The following GRIP1 variants were observed in gnomAD, a reference collection of about 807,000 sequenced individuals.
GRIP1 encodes the protein glutamate receptor interacting protein 1.
In GRIP1, 45 loss-of-function variants were observed where a neutral mutation model predicts 129.9. The observed-to-expected ratio is 0.35, with a 90% CI of 0.27 to 0.44. GRIP1 has a LOEUF of 0.44. GRIP1 is among the 20% of genes least tolerant of loss of function. GRIP1 has a pLI of 1.00. For missense variants in GRIP1, 1,196 were observed against 1,396.8 expected (o/e 0.86, Z 2.29); for synonymous variants, 530 against 520.8 (o/e 1.02, Z -0.24).
At chr12:67,025,951 TTTC>T (rs1048475633) in intron 1 of GRIP1, among the ~76,000 whole-genome samples, 35 of 152,310 alleles carry the variant, frequency 2.3e-4, no homozygotes, top group East Asian at 7.7e-4. Context: ...TCGGGCTTTT[TTTC>T]TTCTTCTTCT....
At chr12:66,424,610 T>C (rs1032496159) in intron 14 of GRIP1, among the ~76,000 whole-genome samples, 1 of 152,224 alleles carries the variant, frequency 6.6e-6, no homozygotes, top group Non-Finnish European at 1.5e-5. Context: ...TTGGTATTTA[T>C]TGATCAACAT....
At chr12:66,384,421 T>G (rs774052915) in intron 19 of GRIP1, among the ~76,000 whole-genome samples, 3 of 152,206 alleles carry the variant, frequency 2.0e-5, no homozygotes, top group Non-Finnish European at 4.4e-5. Flanking sequence ...CAAAGCTTGC[T>G]TAGAGAATTG....
chr12:66,613,071 T>C (rs2139896023), intron 1 of GRIP1, among the ~76,000 whole-genome samples: 1 of 152,280 alleles, frequency 6.6e-6, no homozygotes. Context: ...ATCCCCTAAA[T>C]ACACAAGAAA....
At chr12:66,495,769 A>G (rs2060222452) in intron 7 of GRIP1, among the ~76,000 whole-genome samples, 2 of 152,222 alleles carry the variant, frequency 1.3e-5, no homozygotes, top group African/African-American at 4.8e-5. Context: ...TGTACCACTC[A>G]GCACGAAATC....
intron 7 of GRIP1, among the ~76,000 whole-genome samples, chr12:66,470,574 G>C (rs776401947): frequency 2.6e-5 from 4 of 152,110 alleles, no homozygotes; most frequent in Admixed American, 2.6e-4. Flanking sequence ...ACGATGAAGA[G>C]GACATTGTTT....
At chr12:66,657,535 T>A (rs2033237713) in intron 1 of GRIP1, among the ~76,000 whole-genome samples, 1 of 152,208 alleles carries the variant, frequency 6.6e-6, no homozygotes, top group African/African-American at 2.4e-5. Flanking sequence ...ATCTTTCAGG[T>A]CTGTTACATT....
chr12:66,947,608 G>A (rs926290847), intron 1 of GRIP1, among the ~76,000 whole-genome samples: 5 of 152,234 alleles, frequency 3.3e-5, no homozygotes, highest in African/African-American at 1.2e-4. Context: ...CTTCTGAGCA[G>A]GTGGCAGATG....
At chr12:66,401,887 A>G (rs990824057) in intron 16 of GRIP1, among the ~76,000 whole-genome samples, 2 of 152,130 alleles carry the variant, frequency 1.3e-5, no homozygotes, top group Non-Finnish European at 2.9e-5. Context: ...GCTTTCATCA[A>G]GTGATTAAAA....
At chr12:66,412,228 G>C (rs542068187) in intron 15 of GRIP1, among the ~76,000 whole-genome samples, 7 of 152,278 alleles carry the variant, frequency 4.6e-5, no homozygotes, top group African/African-American at 1.7e-4. Flanking sequence ...AGCATAGCCA[G>C]AAAGAAAAGC....
chr12:66,976,568 T>TATATC (rs746738125), intron 1 of GRIP1, among the ~76,000 whole-genome samples: 13 of 152,304 alleles, frequency 8.5e-5, no homozygotes, highest in African/African-American at 2.4e-4. Context: ...ATGTGACATG[T>TATATC]ATATCATATC....
At chr12:66,545,826 TTAA>T (rs1215058835) in intron 2 of GRIP1, among the ~76,000 whole-genome samples, 3 of 152,180 alleles carry the variant, frequency 2.0e-5, no homozygotes, top group Non-Finnish European at 4.4e-5. Context: ...TACCTTAAAA[TTAA>T]TAATGAAATA....
At chr12:66,513,569 G>A (rs967997577) in intron 7 of GRIP1, among the ~76,000 whole-genome samples, 2 of 151,854 alleles carry the variant, frequency 1.3e-5, no homozygotes, top group African/African-American at 2.4e-5. Context: ...ATTCCTTTTG[G>A]AACCTTATAA....
chr12:66,596,822 GA>G, intron 2 of GRIP1, 24 bp downstream of exon 2: 1 of 1,484,066 alleles, frequency 6.7e-7, no homozygotes. Flanking sequence ...TAAAACAGCT[GA>G]AAAATCCAAC....
intron 11 of GRIP1, among the ~76,000 whole-genome samples, chr12:66,447,392 ATTTGTTGTGTGATAT>A (rs1379399953): frequency 2.6e-5 from 4 of 152,142 alleles, no homozygotes; most frequent in African/African-American, 9.7e-5. Context: ...TCCTTAAATT[ATTTGTTGTGTGATAT>A]TTTGACACCT....
intron 11 of GRIP1, among the ~76,000 whole-genome samples, chr12:66,449,155 A>G (rs1325798436): frequency 1.3e-5 from 2 of 152,158 alleles, no homozygotes; most frequent in Non-Finnish European, 2.9e-5. Context: ...AGCATTTATC[A>G]GGTCTCTATA....
chr12:66,970,571 T>A lies in GRIP1; in HGVS notation c.58+98479A>T, dbSNP rs934528811. ...TTTTTTTTTTTTTCATCTCTCCTGT[T>A]GTCTTTGGACTTTCCTGAGACCCCC... On this transcript the variant is annotated intron_variant, in intron 1 of 1. Coordinates refer to the GRIP1 transcript ENST00000643019. 5.4e-5 allele frequency among the ~76,000 whole-genome samples: 8 copies of A among 148,938 alleles called. No individual in the cohort carries two copies. The Admixed American group carries it at 5.4e-4, about 10-fold the overall frequency.
chr12:67,029,018 T>G (rs1257682538), intron 1 of GRIP1, among the ~76,000 whole-genome samples: 1 of 152,060 alleles, frequency 6.6e-6, no homozygotes, highest in African/African-American at 2.4e-5. Flanking sequence ...TACATAAAAT[T>G]TGATAGAGAT....
chr12:66,474,262 G>A (rs961686482), intron 7 of GRIP1, among the ~76,000 whole-genome samples: 7 of 151,950 alleles, frequency 4.6e-5, no homozygotes, highest in African/African-American at 1.7e-4. Context: ...GAAATAAAGT[G>A]TGAAGACAAG....
chr12:66,625,762 G>A (rs926082948), intron 1 of GRIP1, among the ~76,000 whole-genome samples: 2 of 152,140 alleles, frequency 1.3e-5, no homozygotes, highest in Non-Finnish European at 2.9e-5. Context: ...AATGTAAGGG[G>A]TTGCTATTCC....
Sources: allele counts gnomAD v4.1 joint callset (sites outside exome capture counted in the v4.1 genomes callset), GRCh38; gene constraint gnomAD v4.1.1; transcripts MANE v1.5; gene names NCBI Gene and HGNC (gene_info 2026-07-23, HGNC 2026-07-21).